Variants in MIDEAS observed in about 807,000 individuals in gnomAD.
MIDEAS encodes the protein mitotic deacetylase-associated SANT domain protein.
In MIDEAS, 26 loss-of-function variants were observed where a neutral mutation model predicts 102.7. That is an observed-to-expected ratio of 0.25 (90% CI 0.19 to 0.35). MIDEAS has a LOEUF of 0.35. Ranked by LOEUF, MIDEAS falls within the 10% of genes least tolerant of loss-of-function variation. The probability of loss-of-function intolerance (pLI) is 1.00; values close to 1 mark genes in which losing one functional copy is unlikely to be tolerated. For missense variants in MIDEAS, 1,231 were observed against 1,435.6 expected, an observed-to-expected ratio of 0.86 and a Z score of 2.30; for synonymous variants, 585 against 591.0, an observed-to-expected ratio of 0.99 and a Z score of 0.15.
intron 1 of MIDEAS, among the ~76,000 whole-genome samples, chr14:73,781,750 A>AC (rs2053759674): frequency 6.6e-6 from 1 of 151,178 alleles, no homozygotes; most frequent in African/African-American, 2.4e-5. Context: ...AAAAAAAAAA[A>AC]AAAAAACTGA....
At chr14:73,779,359 C>T (rs1478071388) in intron 1 of MIDEAS, among the ~76,000 whole-genome samples, 1 of 143,204 alleles carries the variant, frequency 7.0e-6, no homozygotes, top group East Asian at 2.2e-4. Flanking sequence ...TGCACCACTG[C>T]ACTCCAGCCT....
At chr14:73,728,390 C>A (rs753382701) in intron 4 of MIDEAS, 1 of 152,472 alleles carries the variant, frequency 6.6e-6, no homozygotes, top group South Asian at 2.1e-4. Flanking sequence ...TGTGCCTGGA[C>A]CTGCATCCTA....
intron 1 of MIDEAS, among the ~76,000 whole-genome samples, chr14:73,758,987 C>G (rs1284032024): frequency 6.6e-6 from 1 of 152,210 alleles, no homozygotes; most frequent in Admixed American, 6.5e-5. Flanking sequence ...GGCCGAATCC[C>G]GGGTTTCGGC....
chr14:73,777,299 A>G (rs1387617727), intron 1 of MIDEAS, among the ~76,000 whole-genome samples: 1 of 151,916 alleles, frequency 6.6e-6, no homozygotes, highest in Admixed American at 6.6e-5. Context: ...CAGCCACCCA[A>G]CTTTCCACAA....
Position 73,737,123 on chromosome 14 carries a change from C to T in MIDEAS, c.1624G>A (p.Ala542Thr). 9 of 1,614,092 alleles carry T rather than the reference C, an allele frequency of 5.6e-6. No individual in the cohort carries two copies. The highest frequency in any genetic ancestry group is 7.6e-6 in the Non-Finnish European group (9 of 1,180,000). The change falls in exon 3 of 13, where the codon GCC (alanine) becomes ACC (threonine). Residue 542 changes from alanine to threonine, a missense_variant. By Grantham distance (58) the Ala-to-Thr change is moderately conservative. Transcript: ENST00000423556. ...PVRTVDPTEA[A>T]QAGGLDEDGK... ...TCCTCATCAAGACCTCCAGCCTGGG[C>T]TGCCTCAGTTGGGTCCACAGTTCGC...
intron 3 of MIDEAS, among the ~76,000 whole-genome samples, chr14:73,735,914 T>C (rs1422532047): frequency 1.3e-5 from 2 of 152,104 alleles, no homozygotes; most frequent in East Asian, 3.9e-4. Context: ...CCTAACACTT[T>C]GGGAGGCCAA....
chr14:73,723,974 G>A (rs1265054998), intron 9 of MIDEAS: 1 of 152,238 alleles, frequency 6.6e-6, no homozygotes, highest in Non-Finnish European at 1.5e-5. Flanking sequence ...ACCTGAGGAG[G>A]AAGCGAAAGG....
intron 1 of MIDEAS, among the ~76,000 whole-genome samples, chr14:73,752,371 G>T (rs2053431107): frequency 6.6e-6 from 1 of 152,110 alleles, no homozygotes; most frequent in South Asian, 2.1e-4. Context: ...TCGTCTGGGG[G>T]AGGTAAAGCA....
At chr14:73,719,592 C>CAT in intron 11 of MIDEAS, 91 bp from the exon 12 acceptor site, 1 of 1,318,634 alleles carries the variant, frequency 7.6e-7, no homozygotes, top group South Asian at 1.3e-5. Flanking sequence ...CCTGAAAAGT[C>CAT]ATATATATTC....
intron 1 of MIDEAS, among the ~76,000 whole-genome samples, chr14:73,772,140 C>T (rs2053647586): frequency 6.6e-6 from 1 of 152,226 alleles, no homozygotes; most frequent in African/African-American, 2.4e-5. Context: ...CCATCTGAAT[C>T]CTCCAGCCCC....
At chr14:73,783,815 C>G (rs906453298) in intron 1 of MIDEAS, among the ~76,000 whole-genome samples, 1 of 152,300 alleles carries the variant, frequency 6.6e-6, no homozygotes, top group African/African-American at 2.4e-5. Context: ...AACTGCCAGC[C>G]GTGGTGTCTG....
At chr14:73,787,450 T>G (rs2053826519), upstream of MIDEAS, 2 of 152,172 alleles carry the variant, frequency 1.3e-5, no homozygotes, top group African/African-American at 4.8e-5. Context: ...TCCAGCCGCG[T>G]CGTTTCCGCG....
chr14:73,777,923 G>A (rs1432974614), intron 1 of MIDEAS, among the ~76,000 whole-genome samples: 1 of 151,958 alleles, frequency 6.6e-6, no homozygotes, highest in African/African-American at 2.4e-5. Context: ...CACAGACCAT[G>A]AGCACCTTAA....
At position 73,760,181 on chromosome 14, in the gene MIDEAS, G is replaced by A. The variant is rs2053541054; in HGVS notation, c.-666C>T. The stretch of plus-strand genomic sequence containing the variant: ...AGGGCGAGAGGCAACAGCGGAGGAG[G>A]AGGACTCTGGCGTGCTACAAAGGAT... On this transcript the variant is annotated 5_prime_UTR_variant, in exon 1 of 13. Coordinates refer to ENST00000423556, the MANE Select transcript of MIDEAS (RefSeq NM_001367710.1). The surrounding 1 kb of genome is among the most constrained non-coding windows in gnomAD (Gnocchi z 4.8). The A allele has an allele frequency of 6.6e-6, 1 of 152,198 alleles. No homozygotes were observed. The highest frequency in any genetic ancestry group is 6.5e-5 in the Admixed American group (1 of 15,272). The allele number at this position is 152,198 out of a possible 1,614,324, so 9.4% of individuals were successfully genotyped here. A position where few individuals can be genotyped will look rare whatever the true frequency, so the allele number is the denominator to read the frequency against.
chr14:73,779,063 AAAAC>A (rs1291851767), intron 1 of MIDEAS, among the ~76,000 whole-genome samples: 1 of 151,884 alleles, frequency 6.6e-6, no homozygotes, highest in Admixed American at 6.6e-5. Flanking sequence ...GAGGAAAAGG[AAAAC>A]AAACAAACAA....
Position 73,726,991 on chromosome 14 carries a change from C to A in MIDEAS, c.2163-19G>T, listed in dbSNP as rs1487258127. On this transcript the variant is annotated intron_variant, in intron 5 of 12. Coordinates refer to ENST00000423556, the MANE Select transcript of MIDEAS (RefSeq NM_001367710.1). Reference sequence around the variant, plus strand: ...GATCCGTCTAGAGGAGTGAAAAGGGCAGGAAGTGAGGCCTCACCTTGCGGG... The same window carrying A: ...GATCCGTCTAGAGGAGTGAAAAGGGAAGGAAGTGAGGCCTCACCTTGCGGG... 5 of 1,572,308 alleles carry A rather than the reference C, an allele frequency of 3.2e-6. No individual in the cohort carries two copies. The highest frequency in any genetic ancestry group is 3.5e-6 in the Non-Finnish European group (4 of 1,153,182).
At chr14:73,735,782 AC>A (rs1439835698) in intron 3 of MIDEAS, among the ~76,000 whole-genome samples, 3 of 152,228 alleles carry the variant, frequency 2.0e-5, no homozygotes, top group Non-Finnish European at 4.4e-5. Flanking sequence ...AGATATGGAT[AC>A]CCTGATAGCC....
At chr14:73,737,773 CTTTTTTTTTT>C (rs5809628) in intron 2 of MIDEAS, among the ~76,000 whole-genome samples, 3 of 89,248 alleles carry the variant, frequency 3.4e-5, no homozygotes, top group African/African-American at 7.5e-5. Flanking sequence ...TCTCCGACCA[CTTTTTTTTTT>C]TTTTTTTTTT....
intron 1 of MIDEAS, among the ~76,000 whole-genome samples, chr14:73,768,233 C>A (rs1249659459): frequency 6.6e-6 from 1 of 152,060 alleles, no homozygotes; most frequent in East Asian, 1.9e-4. Context: ...ACCCCAGCAC[C>A]CTTGAAGGAA....
Sources: gnomAD v4.1 joint callset for allele counts (sites outside exome capture counted in the v4.1 genomes callset) on GRCh38, gnomAD v4.1.1 for gene constraint, Gnocchi (gnomAD v3.1) non-coding constraint, MANE v1.5 for transcripts, NCBI Gene and HGNC (gene_info 2026-07-23, HGNC 2026-07-21) for gene names.